Variants in PARP4 observed in about 807,000 individuals in gnomAD.
PARP4 encodes the protein poly(ADP-ribose) polymerase family member 4, also known as protein mono-ADP-ribosyltransferase PARP4.
PARP4 carries 120 observed loss-of-function variants against 187.7 expected under a neutral mutation model. The observed-to-expected ratio is 0.64, with a 90% CI of 0.55 to 0.74. The LOEUF (loss-of-function observed/expected upper bound fraction) is 0.74. PARP4 is among the 30% of genes least tolerant of loss of function. The pLI is 0.00. For synonymous variants in PARP4, 654 were observed against 740.9 expected, an observed-to-expected ratio of 0.88 and a Z score of 1.90; for missense variants, 1,836 against 2,070.5, an observed-to-expected ratio of 0.89 and a Z score of 2.20.
intron 32 of PARP4, among the ~76,000 whole-genome samples, chr13:24,429,713 CT>C (rs1315354605): frequency 6.6e-6 from 1 of 152,154 alleles, no homozygotes; most frequent in Non-Finnish European, 1.5e-5. Flanking sequence ...CCAGCTGTTG[CT>C]TTTTTCTGGA....
intron 30 of PARP4, among the ~76,000 whole-genome samples, chr13:24,436,160 C>T (rs1870628688): frequency 6.6e-6 from 1 of 152,162 alleles, no homozygotes; most frequent in Non-Finnish European, 1.5e-5. Flanking sequence ...CAAGATTTTA[C>T]AATGAGCAGT....
At chr13:24,501,150 T>C (rs541612379) in intron 3 of PARP4, among the ~76,000 whole-genome samples, 2 of 152,342 alleles carry the variant, frequency 1.3e-5, no homozygotes, top group African/African-American at 4.8e-5. Flanking sequence ...TGTGTGATTT[T>C]TGATATGACT....
chr13:24,494,361 T>C (rs1192485639), intron 7 of PARP4, among the ~76,000 whole-genome samples: 1 of 152,084 alleles, frequency 6.6e-6, no homozygotes, highest in Non-Finnish European at 1.5e-5. Context: ...TCCTGGGTAA[T>C]GTTTTTCAGT....
chr13:24,479,270 T>A (rs553507385), intron 12 of PARP4, among the ~76,000 whole-genome samples: 15 of 151,958 alleles, frequency 9.9e-5, no homozygotes, highest in Non-Finnish European at 2.1e-4. Flanking sequence ...AAAAAAAAAA[T>A]CAGTTCCCCC....
intron 17 of PARP4, among the ~76,000 whole-genome samples, chr13:24,462,959 G>A (rs1277359009): frequency 2.0e-5 from 3 of 152,232 alleles, no homozygotes; most frequent in South Asian, 2.1e-4. Flanking sequence ...GAGAGAGAAT[G>A]AGGGAGAAGA....
intron 1 of PARP4, among the ~76,000 whole-genome samples, chr13:24,505,711 G>C (rs1869603061): frequency 6.6e-6 from 1 of 152,202 alleles, no homozygotes; most frequent in African/African-American, 2.4e-5. Flanking sequence ...TTCATTTTTA[G>C]TAAAGACAGG....
Position 24,443,650 on chromosome 13 carries a change from C to T in PARP4, c.3447G>A (p.Glu1149=). The part of the protein sequence containing the change: ...GILHENETSH[E]MKKQTLKSLI... ...CATTTTTACAATGAAAAGAACAAACCTCATGACTGGTTTCATTTTCGTGAA... is the reference window on the plus strand; with the variant it reads ...CATTTTTACAATGAAAAGAACAAACTTCATGACTGGTTTCATTTTCGTGAA... The change falls in exon 28 of 34, where the codon GAG becomes GAA. Residue 1149 remains glutamate, a splice_region_variant and synonymous_variant. Coordinates refer to ENST00000381989, the MANE Select transcript of PARP4 (RefSeq NM_006437.4). The T allele has an allele frequency of 6.3e-7, 1 of 1,597,958 alleles. No homozygotes were observed. Among genetic ancestry groups the T allele is most frequent in the Non-Finnish European group, 8.6e-7 (1 of 1,165,486 alleles).
intron 19 of PARP4, 63 bp from the exon 20 acceptor site, chr13:24,459,185 T>C (rs538396477): frequency 6.3e-7 from 1 of 1,579,294 alleles, no homozygotes. Context: ...TGAAATTATT[T>C]CAAACAATTC....
At position 24,482,656 on chromosome 13, in the gene PARP4, G is replaced by GT. The variant is rs35384385; in HGVS notation, c.1448+1996dup. The stretch of plus-strand genomic sequence containing the variant: ...AGTTAAAATTAAGGTTATGTACATT[G>GT]TTTTTTTTTTAAACACAATGCTATT... On this transcript the variant is annotated intron_variant, in intron 12 of 33. Coordinates refer to ENST00000381989, the MANE Select transcript of PARP4 (RefSeq NM_006437.4). Among the ~76,000 whole-genome samples, 961 of 151,212 alleles carry GT rather than the reference G, an allele frequency of 6.4e-3. 7 individuals are homozygous for GT. Among genetic ancestry groups the GT allele is most frequent in the Non-Finnish European group, 0.012 (785 of 67,696 alleles).
intron 32 of PARP4, among the ~76,000 whole-genome samples, chr13:24,429,618 G>A (rs1378988262): frequency 2.0e-5 from 3 of 152,148 alleles, no homozygotes; most frequent in African/African-American, 4.8e-5. Flanking sequence ...TATTTATAAA[G>A]TCTCTCTAAT....
In PARP4 at chr13:24,503,754, T is replaced by G. The variant is rs1468326124; in HGVS notation, c.23A>C (p.Asn8Thr). 6.2e-7 allele frequency: 1 copy of G among 1,614,104 alleles called. No individual in the cohort carries two copies. Among genetic ancestry groups the G allele is most frequent in the South Asian group, 1.1e-5 (1 of 91,084 alleles). Residue 8 changes from asparagine to threonine, a missense_variant, in exon 2 of 34, where the codon AAT (asparagine) becomes ACT (threonine). Transcript: ENST00000381989. MVMGIFA[N>T]CIFCLKVKYL... ...CTTCACTTTCAAACAGAAGATACAA[T>G]TTGCAAAGATTCCCATCACCATCCT...
In PARP4 at chr13:24,490,328, G is replaced by A. The variant is rs79000524; in HGVS notation, c.1214+340C>T. ...GCCACAGAGAGGCCACGTTAGAGAC[G>A]CCATACCCATATTCCTGCACATTTA... On this transcript the variant is annotated intron_variant, in intron 10 of 33. Transcript: ENST00000381989. Among the ~76,000 whole-genome samples, 984 of 152,196 alleles carry A rather than the reference G, an allele frequency of 6.5e-3. 27 individuals are homozygous for A. Among genetic ancestry groups the A allele is most frequent in the Admixed American group, 0.044 (667 of 15,280 alleles).
Position 24,425,569 on chromosome 13 carries a change from GTATATC to G in PARP4, c.4979+891_4979+896del, listed in dbSNP as rs1343575198. On this transcript the variant is annotated intron_variant, in intron 33 of 33. Coordinates refer to ENST00000381989, the MANE Select transcript of PARP4 (RefSeq NM_006437.4). ...TGTGTGTGTGTGTGTGTGTGTGTGT[GTATATC>G]TATATCTATATCTATATCTATATCT... Among the ~76,000 whole-genome samples, 572 of 136,782 alleles carry G rather than the reference GTATATC, an allele frequency of 4.2e-3. 3 individuals carry two copies. The highest frequency in any genetic ancestry group is 0.012 in the African/African-American group (427 of 35,482). The allele number at this position is 136,782 out of a possible 152,430, so 89.7% of individuals were successfully genotyped here.
intron 15 of PARP4, among the ~76,000 whole-genome samples, chr13:24,470,661 A>G (rs754744569): frequency 7.2e-5 from 11 of 152,186 alleles, no homozygotes; most frequent in Non-Finnish European, 1.5e-4. Flanking sequence ...CATACAATAA[A>G]CAGTAAGATT....
chr13:24,493,932 C>T (rs770771110), intron 7 of PARP4, among the ~76,000 whole-genome samples, 199 bp from the exon 8 acceptor site: 11 of 152,130 alleles, frequency 7.2e-5, no homozygotes, highest in Non-Finnish European at 1.5e-4. Flanking sequence ...CTGATTCCCT[C>T]CTACCCGCTT....
chr13:24,447,982 A>C (rs1020018605), intron 25 of PARP4, among the ~76,000 whole-genome samples: 1 of 152,174 alleles, frequency 6.6e-6, no homozygotes, highest in Admixed American at 6.5e-5. Context: ...CAAGGCAGGC[A>C]GATTGCTTGA....
At chr13:24,496,244 T>A (rs1047865490) in intron 6 of PARP4, among the ~76,000 whole-genome samples, 2 of 151,982 alleles carry the variant, frequency 1.3e-5, no homozygotes, top group African/African-American at 4.8e-5. Flanking sequence ...AACAACTATA[T>A]CCTCCACAAA....
chr13:24,447,021 T>G lies in PARP4; in HGVS notation c.3280A>C (p.Thr1094Pro). Residue 1094 changes from threonine (T) to proline (P), a missense_variant, in exon 26 of 34, where the codon ACA becomes CCA. By Grantham distance (38) the Thr-to-Pro change is conservative (BLOSUM62 -1). This residue lies in a region of PARP4 where 56 missense variants were observed against 56.6 expected (regional missense o/e 0.99). Coordinates refer to ENST00000381989, the MANE Select transcript of PARP4 (RefSeq NM_006437.4). ...CAAACTCTGCGTCTTCTTACCTGTG[T>G]GCAGTGAGGAATGAATCCATAGACA... ...LLVYGFIPHC[T>P]QATLCALIQE... 1 of 1,588,486 alleles carries G rather than the reference T, an allele frequency of 6.3e-7. No individual in the cohort carries two copies. Among genetic ancestry groups the G allele is most frequent in the Non-Finnish European group, 8.5e-7 (1 of 1,170,246 alleles).
intron 3 of PARP4, among the ~76,000 whole-genome samples, chr13:24,501,314 G>A (rs1264262035): frequency 6.6e-6 from 1 of 152,142 alleles, no homozygotes; most frequent in Non-Finnish European, 1.5e-5. Context: ...CAAATTTCCA[G>A]TCATTAGGTT....
Sources: gnomAD v4.1 joint callset for allele counts (sites outside exome capture counted in the v4.1 genomes callset) on GRCh38, gnomAD v4.1.1 for gene constraint, gnomAD v4.1.1 regional missense constraint, MANE v1.5 for transcripts, NCBI Gene and HGNC (gene_info 2026-07-23, HGNC 2026-07-21) for gene names.